Variants in TPRG1 observed in about 807,000 individuals in gnomAD.
TPRG1 encodes the protein tumor protein p63-regulated gene 1 protein.
Under a neutral mutation model 29.3 loss-of-function variants are expected in TPRG1, and 29 were observed. The ratio of observed to expected loss-of-function variants is 0.99; its 90% CI spans 0.74 to 1.35. TPRG1 has a LOEUF of 1.35. Ranked by LOEUF, TPRG1 falls within the 40% of genes most tolerant of loss-of-function variation. The pLI is 0.00. For missense variants in TPRG1, 327 were observed against 335.0 expected (o/e 0.98, Z 0.19); for synonymous variants, 130 against 116.8 (o/e 1.11, Z -0.73).
intron 3 of TPRG1, among the ~76,000 whole-genome samples, chr3:189,019,281 C>T (rs909284189): frequency 2.6e-5 from 4 of 152,060 alleles, no homozygotes; most frequent in South Asian, 2.1e-4. Context: ...GAATAGGAGT[C>T]GTGAGAGAGG....
intron 3 of TPRG1, among the ~76,000 whole-genome samples, chr3:189,016,102 C>T (rs1042316054): frequency 1.3e-5 from 2 of 152,084 alleles, no homozygotes; most frequent in Non-Finnish European, 2.9e-5. Context: ...AGCCAAGAGG[C>T]CTGTACCCTG....
chr3:189,312,081 G>GTTTCTTTCTTTCTTTCTTTC (rs1220000280), intron 5 of TPRG1, among the ~76,000 whole-genome samples: 4 of 120,042 alleles, frequency 3.3e-5, no homozygotes, highest in African/African-American at 1.6e-4. Flanking sequence ...AACACTTTAT[G>GTTTCTTTCTTTCTTTCTTTC]TTTCTTTCTT....
rs1214482704 is a variant in TPRG1 at position 189,145,092 on chromosome 3, G to A, written c.-290-2492G>A. ...TATAAAAATGACACCGGCCGGGTGC[G>A]GTGGCTCAAGCCTGTAATCCCAGCA... On this transcript the variant is annotated intron_variant, in intron 3 of 6. Coordinates refer to the TPRG1 transcript ENST00000412373. Among the ~76,000 whole-genome samples, 4 of 152,184 alleles carry A rather than the reference G, an allele frequency of 2.6e-5. No individual in the cohort carries two copies. In the South Asian group the frequency reaches 6.2e-4, roughly 24 times the overall value.
chr3:189,042,133 A>G (rs1001037368), intron 4 of TPRG1, among the ~76,000 whole-genome samples: 2 of 152,146 alleles, frequency 1.3e-5, no homozygotes, highest in South Asian at 2.1e-4. Flanking sequence ...ACATTGAACA[A>G]TGAAAATATC....
intron 4 of TPRG1, among the ~76,000 whole-genome samples, chr3:189,073,396 C>G (rs527495296): frequency 6.6e-5 from 10 of 152,324 alleles, no homozygotes; most frequent in African/African-American, 2.4e-4. Context: ...ACTATAAACA[C>G]AAATCAATTA....
At chr3:189,043,884 C>T (rs1043409660) in intron 4 of TPRG1, among the ~76,000 whole-genome samples, 2 of 152,078 alleles carry the variant, frequency 1.3e-5, no homozygotes, top group African/African-American at 4.8e-5. Flanking sequence ...CTGGGTCTCT[C>T]GAGACGATGA....
intron 1 of TPRG1, among the ~76,000 whole-genome samples, chr3:189,112,779 C>A (rs555349431): frequency 6.0e-4 from 92 of 152,218 alleles, no homozygotes; most frequent in African/African-American, 2.2e-3. Flanking sequence ...GTTACCGTAG[C>A]CTTGTAGTAT....
At chr3:189,274,696 T>G (rs1034287361) in intron 4 of TPRG1, among the ~76,000 whole-genome samples, 1 of 152,182 alleles carries the variant, frequency 6.6e-6, no homozygotes, top group Admixed American at 6.5e-5. Context: ...TTTGCTACCT[T>G]CTCTCTTTTC....
At chr3:189,058,147 A>C (rs1020261678) in intron 4 of TPRG1, among the ~76,000 whole-genome samples, 3 of 152,082 alleles carry the variant, frequency 2.0e-5, no homozygotes, top group Non-Finnish European at 4.4e-5. Context: ...GTCAGCAAGA[A>C]AGGGGCCTTG....
intron 4 of TPRG1, among the ~76,000 whole-genome samples, chr3:189,065,862 C>G (rs775084077): frequency 4.6e-5 from 7 of 151,902 alleles, no homozygotes; most frequent in Non-Finnish European, 1.0e-4. Context: ...AGGAATAAAA[C>G]TATAATTTTT....
rs946285036 is a variant in TPRG1, at chr3:189,183,442, A to C, written c.-10+11311A>C. 2.6e-5 allele frequency among the ~76,000 whole-genome samples: 4 copies of C among 152,098 alleles called. No homozygotes were observed. In the East Asian group the frequency reaches 5.8e-4, roughly 22 times the overall value. The stretch of plus-strand genomic sequence containing the variant: ...GTCATTGATAACATCTTATCAGGAG[A>C]AGGGTTTTGAGAGCAACCAGTCTGA... On this transcript the variant is annotated intron_variant, in intron 1 of 5. Coordinates refer to ENST00000345063, the MANE Select transcript of TPRG1 (RefSeq NM_198485.4).
At chr3:189,050,841 C>G (rs777139435) in intron 4 of TPRG1, among the ~76,000 whole-genome samples, 1 of 152,094 alleles carries the variant, frequency 6.6e-6, no homozygotes, top group African/African-American at 2.4e-5. Flanking sequence ...TCACATGATC[C>G]TCTCAATAGA....
At chr3:189,157,750 T>G (rs1247756733) in intron 5 of TPRG1, among the ~76,000 whole-genome samples, 1 of 152,158 alleles carries the variant, frequency 6.6e-6, no homozygotes. Flanking sequence ...AAATTTGTGG[T>G]ATGAATGCCC....
intron 4 of TPRG1, among the ~76,000 whole-genome samples, chr3:189,082,861 C>T (rs1237027481): frequency 1.3e-5 from 2 of 152,170 alleles, no homozygotes; most frequent in Non-Finnish European, 2.9e-5. Context: ...CATGCACACT[C>T]AAGAACGTAC....
At chr3:189,302,396 A>T (rs531622330) in intron 4 of TPRG1, among the ~76,000 whole-genome samples, 3 of 152,270 alleles carry the variant, frequency 2.0e-5, no homozygotes, top group African/African-American at 7.2e-5. Flanking sequence ...TCTATGAAGG[A>T]TTTACTTAAA....
chr3:189,318,231 A>T (rs1723865876), intron 5 of TPRG1, among the ~76,000 whole-genome samples: 1 of 152,154 alleles, frequency 6.6e-6, no homozygotes. Context: ...ATAGCAAAAG[A>T]TTGTCTGGCC....
chr3:189,141,966 A>C (rs1361738369), intron 3 of TPRG1, among the ~76,000 whole-genome samples: 1 of 152,140 alleles, frequency 6.6e-6, no homozygotes, highest in Non-Finnish European at 1.5e-5. Flanking sequence ...TGCAATAAGG[A>C]TGACAAAGAT....
intron 4 of TPRG1, among the ~76,000 whole-genome samples, chr3:189,288,423 G>A (rs1316828362): frequency 6.6e-6 from 1 of 152,162 alleles, no homozygotes; most frequent in African/African-American, 2.4e-5. Flanking sequence ...ACTAAGAAAA[G>A]CTATATATTA....
chr3:189,088,340 T>A (rs1362381534), intron 4 of TPRG1, among the ~76,000 whole-genome samples: 1 of 152,224 alleles, frequency 6.6e-6, no homozygotes, highest in Non-Finnish European at 1.5e-5. Flanking sequence ...TTGTGATTTT[T>A]GCACATTGAT....
Sources: gnomAD v4.1 joint callset for allele counts (sites outside exome capture counted in the v4.1 genomes callset) on GRCh38, gnomAD v4.1.1 for gene constraint, MANE v1.5 for transcripts, NCBI Gene and HGNC (gene_info 2026-07-23, HGNC 2026-07-21) for gene names.